Variants in PPFIBP1 observed in about 807,000 individuals in gnomAD.
PPFIBP1 encodes liprin-beta-1.
In PPFIBP1, 112 loss-of-function variants were observed where a neutral mutation model predicts 137.8. That is an observed-to-expected ratio of 0.81 (90% confidence interval 0.70 to 0.95). PPFIBP1 has a LOEUF of 0.95. Among genes scored for constraint, PPFIBP1 ranks in the 40% least tolerant of loss-of-function variants. The probability of loss-of-function intolerance (pLI) is 0.00; values close to 1 mark genes in which losing one functional copy is unlikely to be tolerated. For missense variants in PPFIBP1, 1,083 were observed against 1,196.6 expected, an observed-to-expected ratio of 0.91 and a Z score of 1.40; for synonymous variants, 378 against 417.3, an observed-to-expected ratio of 0.91 and a Z score of 1.15.
chr12:27,545,653 T>C (rs1019336567), intron 1 of PPFIBP1, among the ~76,000 whole-genome samples: 2 of 152,096 alleles, frequency 1.3e-5, no homozygotes, highest in African/African-American at 4.8e-5. Context: ...AGCATAGAAA[T>C]CTCCATGTGA....
At chr12:27,543,143 A>T (rs1020813389) in intron 1 of PPFIBP1, among the ~76,000 whole-genome samples, 1 of 152,234 alleles carries the variant, frequency 6.6e-6, no homozygotes, top group Non-Finnish European at 1.5e-5. Flanking sequence ...ACTCCCTGAA[A>T]TTAAATCATT....
chr12:27,529,350 A>G (rs1944137671), intron 1 of PPFIBP1, among the ~76,000 whole-genome samples: 1 of 152,182 alleles, frequency 6.6e-6, no homozygotes, highest in African/African-American at 2.4e-5. Flanking sequence ...ACTCCATTTC[A>G]CCTGGTGAAA....
At chr12:27,581,970 G>GTGTGTGTGTACGTA (rs2051166466) in intron 2 of PPFIBP1, among the ~76,000 whole-genome samples, 2 of 149,146 alleles carry the variant, frequency 1.3e-5, no homozygotes, top group South Asian at 4.6e-4. Context: ...TGCTTTGCGT[G>GTGTGTGTGTACGTA]TGTGTGTGTA....
At chr12:27,531,115 G>T (rs973683803) in intron 1 of PPFIBP1, among the ~76,000 whole-genome samples, 1 of 152,070 alleles carries the variant, frequency 6.6e-6, no homozygotes, top group East Asian at 1.9e-4. Context: ...TATTTTGTAC[G>T]AGAAAAACAG....
chr12:27,681,711 G>C lies in PPFIBP1; in HGVS notation c.2046+15G>C. 1 of 1,613,234 alleles carries C rather than the reference G, an allele frequency of 6.2e-7. No individual in the cohort carries two copies. The highest frequency in any genetic ancestry group is 8.5e-7 in the Non-Finnish European group (1 of 1,179,296). On this transcript the variant is annotated intron_variant, in intron 22 of 29. Coordinates refer to ENST00000228425, the MANE Select transcript of PPFIBP1 (RefSeq NM_003622.4). ...ATCTAGAGAAGGTGACTGCTTCTCT[G>C]TTTTGTTCACACAATGGATACTGAG... is the stretch of plus-strand genomic sequence containing the variant.
chr12:27,647,996 C>G, intron 6 of PPFIBP1, 154 bp downstream of exon 6: 1 of 865,056 alleles, frequency 1.2e-6, no homozygotes, highest in East Asian at 3.1e-5. Context: ...AGTAGAGTCT[C>G]AAAACACATG....
intron 1 of PPFIBP1, among the ~76,000 whole-genome samples, chr12:27,556,404 C>A (rs2048708212): frequency 6.6e-6 from 1 of 152,186 alleles, no homozygotes; most frequent in African/African-American, 2.4e-5. Flanking sequence ...AGGCGTCACA[C>A]CAAACAGGAG....
intron 20 of PPFIBP1, 67 bp from the exon 21 acceptor site, chr12:27,679,866 A>T: frequency 1.3e-6 from 2 of 1,582,098 alleles, no homozygotes; most frequent in Non-Finnish European, 1.7e-6. Context: ...CTAGTTAAAA[A>T]TGTTCTGATT....
At position 27,617,216 on chromosome 12, in the gene PPFIBP1, C is replaced by T. The variant is rs146300181; in HGVS notation, c.-35-16146C>T. On this transcript the variant is annotated intron_variant, in intron 2 of 29. Coordinates refer to ENST00000228425, the MANE Select transcript of PPFIBP1 (RefSeq NM_003622.4). ...GTTGTTCCGCAGCCTTGTTTTTAGG[C>T]TCAAATAAACACCCCATTAAGTAGA... Among the ~76,000 whole-genome samples the T allele has an allele frequency of 3.3e-3, 505 of 152,234 alleles. 1 individual carries two copies. Among genetic ancestry groups the T allele is most frequent in the African/African-American group, 0.012 (493 of 41,534 alleles).
Position 27,682,515 on chromosome 12 carries a change from C to T in PPFIBP1, c.2158+17C>T. On this transcript the variant is annotated intron_variant, in intron 23 of 29. Transcript: ENST00000228425. Reference sequence around the variant, plus strand: ...GGGTCACTAGTAAGAAGTTTTTATTCTAACAAAATGAAATAATTATATACA... The same window carrying T: ...GGGTCACTAGTAAGAAGTTTTTATTTTAACAAAATGAAATAATTATATACA... 1 of 1,605,632 alleles carries T rather than the reference C, an allele frequency of 6.2e-7. No individual in the cohort carries two copies. Among genetic ancestry groups the T allele is most frequent in the Admixed American group, 1.7e-5 (1 of 59,524 alleles).
At position 27,664,412 on chromosome 12, in the gene PPFIBP1, G is replaced by A; in HGVS notation, c.957G>A (p.Met319Ile). Residue 319 changes from methionine (M) to isoleucine (I), a missense_variant, in exon 12 of 30, where the codon ATG (methionine) becomes ATA (isoleucine). Physicochemically the swap from Met to Ile is conservative, Grantham distance 10. Coordinates refer to ENST00000228425, the MANE Select transcript of PPFIBP1 (RefSeq NM_003622.4). ...LRQCLNRYKK[M>I]QDTVVLAQGK... Reference sequence around the variant, plus strand: ...AGTGCCTGAACAGGTACAAGAAAATGCAAGACACGGTGGTACTGGCCCAAG... The same window carrying A: ...AGTGCCTGAACAGGTACAAGAAAATACAAGACACGGTGGTACTGGCCCAAG... 6.2e-7 allele frequency: 1 copy of A among 1,613,082 alleles called. No homozygotes were observed. Among genetic ancestry groups the A allele is most frequent in the Non-Finnish European group, 8.5e-7 (1 of 1,179,256 alleles).
chr12:27,627,225 A>T (rs922005851), intron 2 of PPFIBP1, among the ~76,000 whole-genome samples: 6 of 152,180 alleles, frequency 3.9e-5, no homozygotes, highest in African/African-American at 1.4e-4. Flanking sequence ...CTCTTTGCTG[A>T]GATTGTATTG....
rs535121249 is a variant in PPFIBP1 at position 27,623,398 on chromosome 12, A to G, written c.-35-9964A>G. On this transcript the variant is annotated intron_variant, in intron 2 of 29. Transcript: ENST00000228425. ...ATAATGATCGCATTTATCTAAATGT[A>G]TCTTAAAATTTAAGGTCATGGCTCG... is the stretch of plus-strand genomic sequence containing the variant. Among the ~76,000 whole-genome samples, 6 of 152,342 alleles carry G rather than the reference A, an allele frequency of 3.9e-5. No homozygotes were observed. In the East Asian group the frequency reaches 1.2e-3, roughly 29 times the overall value.
intron 1 of PPFIBP1, among the ~76,000 whole-genome samples, chr12:27,563,224 G>A (rs911845192): frequency 1.2e-4 from 16 of 131,162 alleles, no homozygotes; most frequent in Non-Finnish European, 2.0e-4. Flanking sequence ...GGCGGATCAC[G>A]AGGTCAAGAG....
chr12:27,581,148 G>A (rs141459291), intron 2 of PPFIBP1, among the ~76,000 whole-genome samples: 4 of 152,244 alleles, frequency 2.6e-5, no homozygotes, highest in African/African-American at 9.6e-5. Context: ...TCTCACCTTG[G>A]CCTCCCACAG....
chr12:27,614,202 AC>A (rs2055488805), intron 2 of PPFIBP1, among the ~76,000 whole-genome samples: 1 of 152,222 alleles, frequency 6.6e-6, no homozygotes, highest in East Asian at 1.9e-4. Flanking sequence ...ACACAGGGAG[AC>A]CTTGTCTCTA....
chr12:27,674,483 GT>G (rs900378257), intron 17 of PPFIBP1, among the ~76,000 whole-genome samples: 1 of 152,156 alleles, frequency 6.6e-6, no homozygotes, highest in Non-Finnish European at 1.5e-5. Context: ...AGGGTAAGGG[GT>G]TTTGCTTTCG....
chr12:27,604,947 T>C (rs1241652883), intron 2 of PPFIBP1, among the ~76,000 whole-genome samples: 1 of 152,164 alleles, frequency 6.6e-6, no homozygotes, highest in Non-Finnish European at 1.5e-5. Context: ...GAAACTCCCA[T>C]TTTTAAAACC....
At chr12:27,673,667 T>G in intron 15 of PPFIBP1, 100 bp from the exon 16 acceptor site, 1 of 961,174 alleles carries the variant, frequency 1.0e-6, no homozygotes, top group East Asian at 2.6e-5. Flanking sequence ...ATTGCCAGGA[T>G]TCAACCCACA....
Sources: allele counts gnomAD v4.1 joint callset (sites outside exome capture counted in the v4.1 genomes callset), GRCh38; gene constraint gnomAD v4.1.1; transcripts MANE v1.5; gene names NCBI Gene and HGNC (gene_info 2026-07-23, HGNC 2026-07-21).